AFAP1L1: variants seen among roughly 807,000 people sequenced by gnomAD.
The protein encoded by AFAP1L1 is actin filament associated protein 1 like 1, also known as actin filament-associated protein 1-like 1.
In AFAP1L1, 77 loss-of-function variants were observed where a neutral mutation model predicts 99.8. That is an observed-to-expected ratio of 0.77 (90% CI 0.64 to 0.93). The LOEUF (loss-of-function observed/expected upper bound fraction) is 0.93. Among genes scored for constraint, AFAP1L1 ranks in the 40% least tolerant of loss-of-function variants. AFAP1L1 has a pLI of 0.00. For missense variants in AFAP1L1, 893 were observed against 996.8 expected, an observed-to-expected ratio of 0.90 and a Z score of 1.40; for synonymous variants, 373 against 395.3, an observed-to-expected ratio of 0.94 and a Z score of 0.67.
chr5:149,312,003 C>T, intron 8 of AFAP1L1, 109 bp from the exon 9 acceptor site: 2 of 981,258 alleles, frequency 2.0e-6, no homozygotes, highest in Non-Finnish European at 3.1e-6. Flanking sequence ...CTGTTCCCCA[C>T]AGTGGCCCTG....
intron 15 of AFAP1L1, among the ~76,000 whole-genome samples, chr5:149,325,232 G>C (rs1022992234): frequency 6.6e-6 from 1 of 152,136 alleles, no homozygotes; most frequent in Non-Finnish European, 1.5e-5. Context: ...AGAGTTTGTG[G>C]CATTTGAGCC....
intron 1 of AFAP1L1, among the ~76,000 whole-genome samples, chr5:149,278,306 C>G (rs889663033): frequency 6.6e-6 from 1 of 152,148 alleles, no homozygotes; most frequent in African/African-American, 2.4e-5. Context: ...CCTCCTGCAG[C>G]CTTGCTTCCA....
chr5:149,272,490 G>A (rs1755156951), intron 1 of AFAP1L1, among the ~76,000 whole-genome samples: 1 of 152,184 alleles, frequency 6.6e-6, no homozygotes, highest in African/African-American at 2.4e-5. Flanking sequence ...GGAGGCGGGG[G>A]TGGTTCTATC....
chr5:149,321,593 G>A (rs1238719424), intron 14 of AFAP1L1, among the ~76,000 whole-genome samples: 1 of 151,446 alleles, frequency 6.6e-6, no homozygotes, highest in Admixed American at 6.6e-5. Flanking sequence ...GCCAGGCACA[G>A]TGGCATGTGC....
chr5:149,337,643 G>A (rs771352273), intron 18 of AFAP1L1, among the ~76,000 whole-genome samples: 4 of 152,210 alleles, frequency 2.6e-5, no homozygotes, highest in Non-Finnish European at 5.9e-5. Flanking sequence ...CAGTGAACAA[G>A]ACAGATGAGG....
chr5:149,315,274 G>T lies in AFAP1L1; in HGVS notation c.1021-547G>T, dbSNP rs551892813. 3.9e-5 allele frequency among the ~76,000 whole-genome samples: 6 copies of T among 152,196 alleles called. No homozygotes were observed. In the East Asian group the frequency reaches 1.2e-3, roughly 29 times the overall value. On this transcript the variant is annotated intron_variant, in intron 9 of 18. Coordinates refer to ENST00000296721, the MANE Select transcript of AFAP1L1 (RefSeq NM_152406.4). The stretch of plus-strand genomic sequence containing the variant: ...TCTCCTCCGAGTTAGGATCATAATG[G>T]ACTCCTGCTGGTCACCAGGTCCCGC...
intron 6 of AFAP1L1, 136 bp from the exon 7 acceptor site, chr5:149,307,264 CCT>C (rs1756446538): frequency 1.2e-6 from 1 of 853,066 alleles, no homozygotes; most frequent in African/African-American, 1.7e-5. Context: ...AAAGTAGGGG[CCT>C]TAGTCATTAC....
intron 1 of AFAP1L1, among the ~76,000 whole-genome samples, chr5:149,291,942 AT>A (rs1755873421): frequency 6.6e-6 from 1 of 152,218 alleles, no homozygotes; most frequent in African/African-American, 2.4e-5. Flanking sequence ...TGCTAGTTGC[AT>A]TTACTCTGAC....
chr5:149,305,900 AC>A (rs1756393589), intron 5 of AFAP1L1, among the ~76,000 whole-genome samples: 8 of 151,772 alleles, frequency 5.3e-5, no homozygotes, highest in Admixed American at 3.9e-4. Flanking sequence ...ACACACACAC[AC>A]ACACACACAC....
Position 149,317,673 on chromosome 5 carries a change from G to A in AFAP1L1, c.1268-56G>A, listed in dbSNP as rs764553467. The A allele has an allele frequency of 5.7e-4, 913 of 1,590,072 alleles. 1 individual carries two copies. The highest frequency in any genetic ancestry group is 1.5e-3 in the Admixed American group (89 of 57,990). Reference sequence around the variant, plus strand: ...CAGCAGACACATGGAGCCGCCTTGCGTCCCCATGCTGTCCCAGGGCAGGCT... The same window carrying A: ...CAGCAGACACATGGAGCCGCCTTGCATCCCCATGCTGTCCCAGGGCAGGCT... On this transcript the variant is annotated intron_variant, in intron 11 of 18. Transcript: ENST00000296721.
Position 149,340,089 on chromosome 5 carries a change from T to C in AFAP1L1, c.*59T>C. 1 of 1,604,098 alleles carries C rather than the reference T, an allele frequency of 6.2e-7. No individual in the cohort carries two copies. Among genetic ancestry groups the C allele is most frequent in the Admixed American group, 1.7e-5 (1 of 59,722 alleles). On this transcript the variant is annotated 3_prime_UTR_variant, in exon 19 of 19. Coordinates refer to ENST00000296721, the MANE Select transcript of AFAP1L1 (RefSeq NM_152406.4). ...CCAGCTTGTCCACCTGAGGAAGAAA[T>C]GCTTTTTTCACAAGGAGACACCAAG...
At chr5:149,314,265 T>C (rs1756729258) in intron 9 of AFAP1L1, among the ~76,000 whole-genome samples, 1 of 152,222 alleles carries the variant, frequency 6.6e-6, no homozygotes, top group African/African-American at 2.4e-5. Flanking sequence ...AAAGCAGCGT[T>C]GACAGTGTCA....
At chr5:149,331,485 C>T (rs1211774408) in intron 16 of AFAP1L1, among the ~76,000 whole-genome samples, 3 of 151,782 alleles carry the variant, frequency 2.0e-5, no homozygotes, top group Non-Finnish European at 4.4e-5. Flanking sequence ...CCGGGTGTGG[C>T]GGCGGGTGCC....
chr5:149,318,662 G>A (rs1159684777), intron 12 of AFAP1L1, among the ~76,000 whole-genome samples: 4 of 152,102 alleles, frequency 2.6e-5, no homozygotes, highest in Admixed American at 6.5e-5. Context: ...TCTTACTCAC[G>A]GGCACTAGCC....
At chr5:149,306,854 C>T (rs180780197) in intron 6 of AFAP1L1, among the ~76,000 whole-genome samples, 1 of 152,236 alleles carries the variant, frequency 6.6e-6, no homozygotes, top group East Asian at 1.9e-4. Flanking sequence ...TGGGTACTGT[C>T]ATTTATTATG....
intron 15 of AFAP1L1, among the ~76,000 whole-genome samples, chr5:149,327,746 AAG>A (rs1386738250): frequency 1.3e-5 from 2 of 152,142 alleles, no homozygotes; most frequent in Admixed American, 6.5e-5. Flanking sequence ...ACCAAGAACA[AAG>A]AGAAAAAAAG....
In AFAP1L1 at chr5:149,299,627, G is replaced by A; in HGVS notation, c.135G>A (p.Gln45=). 1 of 1,614,138 alleles carries A rather than the reference G, an allele frequency of 6.2e-7. No homozygotes were observed. Among genetic ancestry groups the A allele is most frequent in the East Asian group, 2.2e-5 (1 of 44,884 alleles). ...TGGCCTCCATCCTGCAGAGCCTGCA[G>A]CCCCTTCCAGGTTAGCCGCCAGCAG... The part of the protein sequence containing the change: ...MAVASILQSL[Q]PLPAKEVSYL... Residue 45 remains glutamine, a synonymous_variant, in exon 2 of 19, where the codon CAG becomes CAA. Coordinates refer to ENST00000296721, the MANE Select transcript of AFAP1L1 (RefSeq NM_152406.4).
intron 1 of AFAP1L1, among the ~76,000 whole-genome samples, chr5:149,294,061 A>T (rs1755945932): frequency 6.6e-6 from 1 of 152,154 alleles, no homozygotes; most frequent in African/African-American, 2.4e-5. Flanking sequence ...ATAACTAATG[A>T]TATTTTTTTA....
chr5:149,310,060 G>C lies in AFAP1L1; in HGVS notation c.852G>C (p.Leu284=). Residue 284 remains leucine, a synonymous_variant, in exon 8 of 19, where the codon CTG becomes CTC. Coordinates refer to ENST00000296721, the MANE Select transcript of AFAP1L1 (RefSeq NM_152406.4). ...ACAGCCGGCACAAGAGGCACGAGCT[G>C]CGTTTCACCCAGGGGGCTACCGAGG... ...PKDSRHKRHE[L]RFTQGATEVL... 6.2e-7 allele frequency: 1 copy of C among 1,614,224 alleles called. No individual in the cohort carries two copies. The highest frequency in any genetic ancestry group is 1.1e-5 in the South Asian group (1 of 91,080).
Sources: gnomAD v4.1 joint callset for allele counts (sites outside exome capture counted in the v4.1 genomes callset) on GRCh38, gnomAD v4.1.1 for gene constraint, MANE v1.5 for transcripts, NCBI Gene and HGNC (gene_info 2026-07-23, HGNC 2026-07-21) for gene names.